Variants in GPC1 observed in about 807,000 individuals in gnomAD.
The protein encoded by GPC1 is glypican 1.
In GPC1, 26 loss-of-function variants were observed where a neutral mutation model predicts 51.5. The observed-to-expected ratio is 0.50, with a 90% CI of 0.37 to 0.70. The LOEUF is 0.70. Among genes scored for constraint, GPC1 ranks in the 30% least tolerant of loss-of-function variants. The pLI is 0.00. For missense variants in GPC1, 775 were observed against 800.5 expected, an observed-to-expected ratio of 0.97 and a Z score of 0.38; for synonymous variants, 380 against 348.3, an observed-to-expected ratio of 1.09 and a Z score of -1.01.
chr2:240,451,569 T>TG (rs1162146153), intron 1 of GPC1: 11 of 274,680 alleles, frequency 4.0e-5, no homozygotes, highest in African/African-American at 2.5e-4. Context: ...GAGCCAGGCC[T>TG]GGGGGCACGG....
chr2:240,444,389 G>A (rs986746923), intron 1 of GPC1, among the ~76,000 whole-genome samples: 1 of 152,170 alleles, frequency 6.6e-6, no homozygotes, highest in Non-Finnish European at 1.5e-5. Flanking sequence ...AAATCCAGCC[G>A]CCCAGGACCC....
intron 1 of GPC1, among the ~76,000 whole-genome samples, chr2:240,441,197 A>C (rs2074014607): frequency 6.6e-6 from 1 of 152,262 alleles, no homozygotes; most frequent in Non-Finnish European, 1.5e-5. Context: ...GCCGAACCGC[A>C]GGGCTGCACA....
intron 1 of GPC1, chr2:240,451,062 G>A (rs1012299786): frequency 2.8e-5 from 13 of 463,072 alleles, no homozygotes; most frequent in African/African-American, 2.4e-4. Context: ...CCACAGAGAT[G>A]GCTTCTCGGG....
At chr2:240,454,379 C>A (rs1306609626) in intron 1 of GPC1, among the ~76,000 whole-genome samples, 2 of 152,204 alleles carry the variant, frequency 1.3e-5, no homozygotes, top group African/African-American at 2.4e-5. Context: ...GCTGGACGTG[C>A]CGGAGGATGC....
intron 1 of GPC1, chr2:240,453,170 C>T (rs1559197996): frequency 8.9e-6 from 2 of 224,500 alleles, no homozygotes; most frequent in East Asian, 1.8e-4. Context: ...CGTCCTGCCC[C>T]GCTTGGCCGC....
intron 8 of GPC1, 134 bp from the exon 9 acceptor site, chr2:240,465,924 G>A (rs180760635): frequency 6.2e-5 from 40 of 640,116 alleles, no homozygotes; most frequent in Admixed American, 4.1e-4. Context: ...GGGTCAGCGG[G>A]GATCAGGTGC....
chr2:240,461,435 C>T (rs1224492834), intron 2 of GPC1, among the ~76,000 whole-genome samples: 2 of 152,218 alleles, frequency 1.3e-5, no homozygotes, highest in East Asian at 3.8e-4. Flanking sequence ...GGAAGTCCCA[C>T]TTCCAAATGG....
chr2:240,447,298 G>T (rs1434417686), intron 1 of GPC1, among the ~76,000 whole-genome samples: 1 of 152,180 alleles, frequency 6.6e-6, no homozygotes, highest in South Asian at 2.1e-4. Flanking sequence ...GCTGTTCTGG[G>T]TACCGGGACA....
At chr2:240,437,660 A>G (rs1414251987) in intron 1 of GPC1, among the ~76,000 whole-genome samples, 1 of 152,102 alleles carries the variant, frequency 6.6e-6, no homozygotes, top group Non-Finnish European at 1.5e-5. Context: ...CTACTCACAC[A>G]TAAAGAGGCA....
rs115491113 is a variant in GPC1, at chr2:240,446,371, C to G, written c.166+10287C>G. Among the ~76,000 whole-genome samples, 8 of 152,366 alleles carry G rather than the reference C, an allele frequency of 5.3e-5. No individual in the cohort carries two copies. The South Asian group carries it at 1.5e-3, about 28-fold the overall frequency. ...GCAGACAGAGCCCTTGCTCTCTGGACGCAGTTAGCGCAGAGACAGGGCACG... is the reference window on the plus strand; with the variant it reads ...GCAGACAGAGCCCTTGCTCTCTGGAGGCAGTTAGCGCAGAGACAGGGCACG... On this transcript the variant is annotated intron_variant, in intron 1 of 8. Coordinates refer to ENST00000264039, the MANE Select transcript of GPC1 (RefSeq NM_002081.3).
intron 3 of GPC1, among the ~76,000 whole-genome samples, chr2:240,462,990 G>A (rs1312652278): frequency 6.6e-6 from 1 of 152,204 alleles, no homozygotes; most frequent in East Asian, 1.9e-4. Flanking sequence ...CCCTTGCGGG[G>A]CACGTGTCAG....
chr2:240,445,374 G>C (rs2074042566), intron 1 of GPC1, among the ~76,000 whole-genome samples: 1 of 152,172 alleles, frequency 6.6e-6, no homozygotes, highest in African/African-American at 2.4e-5. Context: ...GGGGTGCTCT[G>C]GTGTTTAGTG....
At chr2:240,446,021 C>T (rs570900008) in intron 1 of GPC1, among the ~76,000 whole-genome samples, 3 of 152,360 alleles carry the variant, frequency 2.0e-5, no homozygotes, top group African/African-American at 4.8e-5. Context: ...AAACAAGCAT[C>T]GTCCTGAGAA....
intron 7 of GPC1, 33 bp from the exon 8 acceptor site, chr2:240,465,440 C>T: frequency 5.6e-6 from 9 of 1,601,094 alleles, no homozygotes; most frequent in Non-Finnish European, 7.7e-6. Context: ...GGGGCTGGAG[C>T]AGTGACCTGG....
At chr2:240,465,983 C>CATG (rs1553548862) in intron 8 of GPC1, 75 bp from the exon 9 acceptor site, 7 of 845,810 alleles carry the variant, frequency 8.3e-6, no homozygotes, top group Admixed American at 6.5e-5. Context: ...TCACCTGGCA[C>CATG]GGGCCCTTAC....
intron 1 of GPC1, chr2:240,449,773 T>C: frequency 2.2e-6 from 1 of 462,362 alleles, no homozygotes; most frequent in South Asian, 1.6e-5. Context: ...CCGACTCCTC[T>C]AGGGACCTCA....
In GPC1 at chr2:240,467,004, G is replaced by C. The variant is rs2074267989; in HGVS notation, c.*714G>C. 6.6e-6 allele frequency: 1 copy of C among 152,326 alleles called. No homozygotes were observed. Among genetic ancestry groups the C allele is most frequent in the African/African-American group, 2.4e-5 (1 of 41,476 alleles). 9.4% of individuals were successfully genotyped at this position (152,326 alleles called of 1,614,324 possible). On this transcript the variant is annotated 3_prime_UTR_variant, in exon 9 of 9. Coordinates refer to ENST00000264039, the MANE Select transcript of GPC1 (RefSeq NM_002081.3). ...CTGACCCACCTGCGCTTCTGCTGGA[G>C]GAGGGGAAGCTGGGCCCAAAGGCCC...
intron 2 of GPC1, among the ~76,000 whole-genome samples, chr2:240,460,006 A>G (rs2074203442): frequency 6.6e-6 from 1 of 152,208 alleles, no homozygotes; most frequent in African/African-American, 2.4e-5. Flanking sequence ...GCAGGGCTCC[A>G]TTGTGGCTGT....
Position 240,467,781 on chromosome 2 carries a change from A to G in GPC1, c.*1491A>G, listed in dbSNP as rs1227620027. ...GATGTTTTGGGATCAGGAGCCCCCA[A>G]CACAGGCAAGTCCACCCCATAATAA... On this transcript the variant is annotated 3_prime_UTR_variant, in exon 9 of 9. Coordinates refer to ENST00000264039, the MANE Select transcript of GPC1 (RefSeq NM_002081.3). 1 of 152,238 alleles carries G rather than the reference A, an allele frequency of 6.6e-6. No individual in the cohort carries two copies. Among genetic ancestry groups the G allele is most frequent in the Non-Finnish European group, 1.5e-5 (1 of 68,084 alleles). The allele number at this position is 152,238 out of a possible 1,614,324, so 9.4% of individuals were successfully genotyped here.
Sources: gnomAD v4.1 joint callset for allele counts (sites outside exome capture counted in the v4.1 genomes callset) on GRCh38, gnomAD v4.1.1 for gene constraint, MANE v1.5 for transcripts, NCBI Gene and HGNC (gene_info 2026-07-23, HGNC 2026-07-21) for gene names.